The following VPS13D variants were observed in gnomAD, a reference collection of about 807,000 sequenced individuals.
VPS13D encodes intermembrane lipid transfer protein VPS13D.
VPS13D carries 187 observed loss-of-function variants against 461.9 expected under a neutral mutation model. The observed-to-expected ratio is 0.40, with a 90% CI of 0.36 to 0.46. The LOEUF (loss-of-function observed/expected upper bound fraction) is 0.46. Among genes scored for constraint, VPS13D ranks in the 20% least tolerant of loss-of-function variants. The pLI, the probability that VPS13D is intolerant of heterozygous loss-of-function variation, is 0.60. For missense variants in VPS13D, 4,711 were observed against 5,364.9 expected, an observed-to-expected ratio of 0.88 and a Z score of 3.81; for synonymous variants, 1,951 against 1,986.3, an observed-to-expected ratio of 0.98 and a Z score of 0.47.
chr1:12,240,595 CAAA>C (rs781165302), intron 2 of VPS13D, among the ~76,000 whole-genome samples: 4,464 of 42,482 alleles, frequency 0.11, 61 homozygotes, highest in Admixed American at 0.18. Context: ...GATTCCATCT[CAAA>C]AAAAAAAAAA....
chr1:12,401,523 A>G, intron 61 of VPS13D, 85 bp from the exon 62 acceptor site: 1 of 929,228 alleles, frequency 1.1e-6, no homozygotes, highest in Non-Finnish European at 1.7e-6. Flanking sequence ...ATGAAAGCAT[A>G]CCATGTCATT....
chr1:12,460,597 A>AAT (rs931446186), intron 67 of VPS13D, among the ~76,000 whole-genome samples: 9 of 150,874 alleles, frequency 6.0e-5, no homozygotes, highest in Non-Finnish European at 1.2e-4. Context: ...TTTTCAGATA[A>AAT]ATATATATAT....
At chr1:12,296,443 A>G (rs1642278322) in intron 24 of VPS13D, among the ~76,000 whole-genome samples, 1 of 152,218 alleles carries the variant, frequency 6.6e-6, no homozygotes, top group Admixed American at 6.5e-5. Context: ...TATGTAAAAC[A>G]CTGTAATTTT....
chr1:12,292,262 CAAAAAAAAAAA>C (rs766212937), intron 23 of VPS13D, among the ~76,000 whole-genome samples: 4 of 12,244 alleles, frequency 3.3e-4, no homozygotes, highest in South Asian at 4.9e-3. Context: ...AACTCCATCT[CAAAAAAAAAAA>C]AAAAAAAAAA....
At chr1:12,294,287 T>C (rs1219076343) in intron 24 of VPS13D, among the ~76,000 whole-genome samples, 1 of 152,252 alleles carries the variant, frequency 6.6e-6, no homozygotes, top group Non-Finnish European at 1.5e-5. Context: ...CTGTTAGGTA[T>C]TGCATAACTT....
chr1:12,237,577 G>A (rs1227345123), intron 2 of VPS13D, among the ~76,000 whole-genome samples: 1 of 148,928 alleles, frequency 6.7e-6, no homozygotes, highest in African/African-American at 2.5e-5. Flanking sequence ...CTAGCACTTC[G>A]GGAGGCCAAG....
At chr1:12,333,188 T>A in intron 37 of VPS13D, 38 bp from the exon 38 acceptor site, 3 of 1,599,392 alleles carry the variant, frequency 1.9e-6, no homozygotes, top group Non-Finnish European at 2.6e-6. Context: ...ACTCTTGATA[T>A]CTGCTGAACA....
chr1:12,353,358 C>T (rs1410314474), intron 46 of VPS13D, among the ~76,000 whole-genome samples: 1 of 151,660 alleles, frequency 6.6e-6, no homozygotes, highest in Non-Finnish European at 1.5e-5. Context: ...ATGGTGAAAC[C>T]CCATCTCTAC....
intron 21 of VPS13D, among the ~76,000 whole-genome samples, chr1:12,286,711 G>A (rs1195639413): frequency 1.3e-5 from 2 of 152,206 alleles, no homozygotes; most frequent in African/African-American, 2.4e-5. Context: ...GGCATACAAC[G>A]TCTGATCATC....
chr1:12,507,227 A>G lies in VPS13D; in HGVS notation c.13035+134A>G, dbSNP rs753044807. The G allele has an allele frequency of 4.0e-6, 6 of 1,496,102 alleles. No individual in the cohort carries two copies. In the East Asian group the frequency reaches 1.1e-4, roughly 28 times the overall value. The allele number at this position is 1,496,102 out of a possible 1,614,324, so 92.7% of individuals were successfully genotyped here. A position where few individuals can be genotyped will look rare whatever the true frequency, so the allele number is the denominator to read the frequency against. On this transcript the variant is annotated intron_variant, in intron 69 of 69. Coordinates refer to ENST00000620676, the MANE Select transcript of VPS13D (RefSeq NM_015378.4). This position sits in a 1 kb window ranked among gnomAD's most constrained non-coding sequence, Gnocchi z 5.3. Reference sequence around the variant, plus strand: ...GCCCTTCCCAGGAGTGCTGCCTCTCAGTCCTGAACATGGGAGGGGCCCAGG... The same window carrying G: ...GCCCTTCCCAGGAGTGCTGCCTCTCGGTCCTGAACATGGGAGGGGCCCAGG...
chr1:12,413,799 G>C (rs1382998152), intron 63 of VPS13D, among the ~76,000 whole-genome samples: 2 of 149,184 alleles, frequency 1.3e-5, no homozygotes, highest in Non-Finnish European at 3.0e-5. Flanking sequence ...TTTTTTAAAC[G>C]ATCTATACCA....
intron 40 of VPS13D, among the ~76,000 whole-genome samples, chr1:12,338,621 C>T (rs1643501787): frequency 6.6e-6 from 1 of 152,108 alleles, no homozygotes. Context: ...GATTGAGGAG[C>T]ACCATGCTTC....
At chr1:12,347,257 G>A (rs951093754) in intron 44 of VPS13D, among the ~76,000 whole-genome samples, 4 of 151,686 alleles carry the variant, frequency 2.6e-5, no homozygotes, top group Non-Finnish European at 4.4e-5. Context: ...TGCAACATCC[G>A]CCCCCCGGGT....
intron 65 of VPS13D, among the ~76,000 whole-genome samples, chr1:12,429,350 T>C (rs565447839): frequency 5.9e-5 from 9 of 152,040 alleles, no homozygotes; most frequent in Non-Finnish European, 1.2e-4. Context: ...TGGAGTGCAG[T>C]GGTGTGATTT....
chr1:12,462,561 A>G (rs1449233316), intron 67 of VPS13D, among the ~76,000 whole-genome samples: 1 of 152,174 alleles, frequency 6.6e-6, no homozygotes, highest in Non-Finnish European at 1.5e-5. Context: ...GCTGGTGGGA[A>G]ATGGTAGACC....
intron 30 of VPS13D, among the ~76,000 whole-genome samples, chr1:12,316,968 T>G (rs925709454): frequency 6.6e-6 from 1 of 152,032 alleles, no homozygotes; most frequent in African/African-American, 2.4e-5. Flanking sequence ...TCACGTCAAA[T>G]GTAGACTTCG....
intron 67 of VPS13D, among the ~76,000 whole-genome samples, chr1:12,476,649 C>T (rs575701866): frequency 6.6e-6 from 1 of 152,164 alleles, no homozygotes; most frequent in Non-Finnish European, 1.5e-5. Flanking sequence ...TAAATTTAGC[C>T]TACCTCTTTG....
intron 67 of VPS13D, among the ~76,000 whole-genome samples, chr1:12,494,149 C>A (rs763853999): frequency 1.1e-4 from 16 of 152,228 alleles, no homozygotes; most frequent in Non-Finnish European, 1.9e-4. Flanking sequence ...GTGTTGAGCA[C>A]TGAATCCAAC....
In VPS13D at chr1:12,355,990, C is replaced by T; in HGVS notation, c.9771C>T (p.Val3257=). 6.2e-7 allele frequency: 1 copy of T among 1,613,862 alleles called. No individual in the cohort carries two copies. The highest frequency in any genetic ancestry group is 8.5e-7 in the Non-Finnish European group (1 of 1,179,836). Residue 3257 remains valine, a synonymous_variant, in exon 48 of 70, where the codon GTC becomes GTT. Transcript: ENST00000620676. ...TGGTGAGAATGCGACTCTATGACGT[C>T]AACCGTCGGCAGCTGAACCTCACCA... is the stretch of plus-strand genomic sequence containing the variant. The part of the protein sequence containing the change: ...NYMVRMRLYD[V]NRRQLNLTIR...
Sources: gnomAD v4.1 joint callset for allele counts (sites outside exome capture counted in the v4.1 genomes callset) on GRCh38, gnomAD v4.1.1 for gene constraint, Gnocchi (gnomAD v3.1) non-coding constraint, MANE v1.5 for transcripts, NCBI Gene and HGNC (gene_info 2026-07-23, HGNC 2026-07-21) for gene names.